AIMP1: variants seen among roughly 807,000 people sequenced by gnomAD.
AIMP1 encodes aminoacyl tRNA synthetase complex interacting multifunctional protein 1, also known as aminoacyl tRNA synthase complex-interacting multifunctional protein 1.
AIMP1 carries 24 observed loss-of-function variants against 33.1 expected under a neutral mutation model. The ratio of observed to expected loss-of-function variants is 0.73; its 90% CI spans 0.53 to 1.02. The LOEUF (loss-of-function observed/expected upper bound fraction) is 1.02. Ranked by LOEUF, AIMP1 falls within the 50% of genes least tolerant of loss-of-function variation. The pLI is 0.00. For missense variants in AIMP1, 367 were observed against 364.8 expected (o/e 1.01, Z -0.05); for synonymous variants, 120 against 121.5 (o/e 0.99, Z 0.08).
upstream of AIMP1, chr4:106,316,212 C>T (rs1196796248): frequency 4.2e-6 from 1 of 237,810 alleles, no homozygotes; most frequent in Non-Finnish European, 8.3e-6. Context: ...CACCCTCTAC[C>T]CTCCCCTCAG....
intron 3 of AIMP1, among the ~76,000 whole-genome samples, chr4:106,327,867 CA>C (rs1367076923): frequency 6.6e-6 from 1 of 152,124 alleles, no homozygotes; most frequent in Non-Finnish European, 1.5e-5. Flanking sequence ...AAATGGGAAT[CA>C]TGCCTTTATT....
In AIMP1 at chr4:106,347,695, T is replaced by C. The variant is rs774370981; in HGVS notation, c.*3T>C. ...TGAGCAACAGTGGAATCAAATAAAA[T>C]GCTTCCACTACCAAAAGACATTAGA... On this transcript the variant is annotated 3_prime_UTR_variant, in exon 7 of 7. Transcript: ENST00000672341. 3 of 1,612,344 alleles carry C rather than the reference T, an allele frequency of 1.9e-6. No homozygotes were observed. Among genetic ancestry groups the C allele is most frequent in the Admixed American group, 1.7e-5 (1 of 59,814 alleles).
intron 6 of AIMP1, among the ~76,000 whole-genome samples, chr4:106,346,612 T>C (rs1053333310): frequency 9.9e-5 from 15 of 152,278 alleles, no homozygotes; most frequent in African/African-American, 3.1e-4. Flanking sequence ...TCCAAAGTAG[T>C]TATCATCATT....
chr4:106,323,738 A>G (rs1378547971), intron 1 of AIMP1, among the ~76,000 whole-genome samples: 1 of 152,120 alleles, frequency 6.6e-6, no homozygotes, highest in Non-Finnish European at 1.5e-5. Context: ...AAATGTAGCT[A>G]TCACAAACAA....
intron 1 of AIMP1, among the ~76,000 whole-genome samples, chr4:106,319,704 A>T (rs1033782395): frequency 7.9e-5 from 12 of 152,204 alleles, no homozygotes; most frequent in Admixed American, 6.5e-4. Context: ...TGTCATTCTT[A>T]TATCTATTTT....
chr4:106,342,163 C>T (rs1017547922), intron 6 of AIMP1, among the ~76,000 whole-genome samples: 1 of 152,162 alleles, frequency 6.6e-6, no homozygotes, highest in African/African-American at 2.4e-5. Context: ...TTACTAAAGT[C>T]ATTTATCAGC....
intron 6 of AIMP1, among the ~76,000 whole-genome samples, chr4:106,339,156 T>A (rs1770003206): frequency 6.6e-6 from 1 of 152,206 alleles, no homozygotes; most frequent in African/African-American, 2.4e-5. Context: ...TCAGATGAGA[T>A]GCTGGACTGT....
At chr4:106,333,460 A>G (rs1474133574) in intron 5 of AIMP1, among the ~76,000 whole-genome samples, 1 of 152,162 alleles carries the variant, frequency 6.6e-6, no homozygotes, top group Non-Finnish European at 1.5e-5. Context: ...GATTTCTTCT[A>G]CTTCCTACTT....
At chr4:106,320,170 A>C (rs1769160891) in intron 1 of AIMP1, among the ~76,000 whole-genome samples, 1 of 152,222 alleles carries the variant, frequency 6.6e-6, no homozygotes, top group Non-Finnish European at 1.5e-5. Flanking sequence ...CTCAATGTAA[A>C]ATTGAAAAAT....
chr4:106,345,089 T>C (rs2125929716), intron 6 of AIMP1, among the ~76,000 whole-genome samples: 1 of 152,324 alleles, frequency 6.6e-6, no homozygotes, highest in East Asian at 1.9e-4. Context: ...ATATACGTGT[T>C]GTGTGTTATT....
At chr4:106,317,179 G>A (rs1395257985) in intron 1 of AIMP1, among the ~76,000 whole-genome samples, 7 of 152,216 alleles carry the variant, frequency 4.6e-5, no homozygotes, top group Non-Finnish European at 1.0e-4. Context: ...TGACTTTTAA[G>A]TAAAGGGCTG....
At chr4:106,327,100 T>C (rs894633994) in intron 2 of AIMP1, among the ~76,000 whole-genome samples, 1 of 152,232 alleles carries the variant, frequency 6.6e-6, no homozygotes, top group Non-Finnish European at 1.5e-5. Flanking sequence ...TTGACACTTT[T>C]GTGCCAGCTT....
At chr4:106,322,887 G>A (rs1769317126) in intron 1 of AIMP1, among the ~76,000 whole-genome samples, 1 of 151,922 alleles carries the variant, frequency 6.6e-6, no homozygotes, top group African/African-American at 2.4e-5. Flanking sequence ...GGGAGGCTAA[G>A]GCAGGAGAAT....
At chr4:106,343,038 A>G (rs1241780128) in intron 6 of AIMP1, among the ~76,000 whole-genome samples, 2 of 151,394 alleles carry the variant, frequency 1.3e-5, no homozygotes, top group Non-Finnish European at 2.9e-5. Context: ...CTAAGTAGCT[A>G]GGACTATGGG....
chr4:106,336,272 G>A (rs1166117787), intron 5 of AIMP1, among the ~76,000 whole-genome samples: 1 of 150,740 alleles, frequency 6.6e-6, no homozygotes, highest in Non-Finnish European at 1.5e-5. Flanking sequence ...AAAACACTGG[G>A]CTCAAGCAGT....
At chr4:106,343,099 G>A (rs1440269446) in intron 6 of AIMP1, among the ~76,000 whole-genome samples, 1 of 151,882 alleles carries the variant, frequency 6.6e-6, no homozygotes, top group Non-Finnish European at 1.5e-5. Flanking sequence ...TTTATTACTG[G>A]TTCAGTTTGA....
In AIMP1 at chr4:106,347,857, C is replaced by T. The variant is rs1579650605; in HGVS notation, c.*165C>T. 1.6e-6 allele frequency: 1 copy of T among 643,134 alleles called. No homozygotes were observed. The highest frequency in any genetic ancestry group is 2.5e-6 in the Non-Finnish European group (1 of 404,832). 39.8% of individuals were successfully genotyped at this position (643,134 alleles called of 1,614,324 possible). On this transcript the variant is annotated 3_prime_UTR_variant, in exon 7 of 7. Coordinates refer to ENST00000672341, the MANE Select transcript of AIMP1 (RefSeq NM_001142416.2). ...ATATTGTTTTCATTGATTGGGGAAA[C>T]ACTAGATTTTTACCTCGGTTTTTGA...
intron 6 of AIMP1, among the ~76,000 whole-genome samples, chr4:106,337,570 T>G (rs184586453): frequency 2.6e-5 from 4 of 152,324 alleles, no homozygotes; most frequent in Admixed American, 2.6e-4. Flanking sequence ...CTTTCTTTTA[T>G]AAATTACCCA....
chr4:106,319,352 A>G (rs1769107124), intron 1 of AIMP1, among the ~76,000 whole-genome samples: 2 of 151,990 alleles, frequency 1.3e-5, no homozygotes, highest in African/African-American at 4.8e-5. Flanking sequence ...CAGAATCTCA[A>G]AAATCATCTT....
Sources: allele counts gnomAD v4.1 joint callset (sites outside exome capture counted in the v4.1 genomes callset), GRCh38; gene constraint gnomAD v4.1.1; transcripts MANE v1.5; gene names NCBI Gene and HGNC (gene_info 2026-07-23, HGNC 2026-07-21).